PPFIA2: variants seen among roughly 807,000 people sequenced by gnomAD.
PPFIA2 encodes PPFI scaffold protein A2.
Under a neutral mutation model 175.5 loss-of-function variants are expected in PPFIA2, and 46 were observed. That is an observed-to-expected ratio of 0.26 (90% CI 0.21 to 0.34). The LOEUF is 0.34. Ranked by LOEUF, PPFIA2 falls within the 10% of genes least tolerant of loss-of-function variation. PPFIA2 has a pLI of 1.00. For missense variants in PPFIA2, 1,179 were observed against 1,506.1 expected, an observed-to-expected ratio of 0.78 and a Z score of 3.60; for synonymous variants, 568 against 511.4, an observed-to-expected ratio of 1.11 and a Z score of -1.49.
In PPFIA2 at chr12:81,691,496, G is replaced by A. The variant is rs1467397977; in HGVS notation, c.250-14652C>T. 4.6e-5 allele frequency among the ~76,000 whole-genome samples: 7 copies of A among 152,140 alleles called. No individual in the cohort carries two copies. The East Asian group carries it at 1.4e-3, about 29-fold the overall frequency. On this transcript the variant is annotated intron_variant, in intron 3 of 32. Coordinates refer to ENST00000549396, the MANE Select transcript of PPFIA2 (RefSeq NM_003625.5). Reference sequence around the variant, plus strand: ...CCTGAAATTCCTTTTATTATATACTGCTTTCTGTTCTGTGGCATTGAATGC... The same window carrying A: ...CCTGAAATTCCTTTTATTATATACTACTTTCTGTTCTGTGGCATTGAATGC...
At chr12:81,398,658 G>A (rs979264734) in intron 8 of PPFIA2, among the ~76,000 whole-genome samples, 2 of 152,020 alleles carry the variant, frequency 1.3e-5, no homozygotes, top group Admixed American at 1.3e-4. Flanking sequence ...TTAAAGACCC[G>A]TAGCCGCTTT....
intron 22 of PPFIA2, among the ~76,000 whole-genome samples, chr12:81,305,068 T>G (rs2048822373): frequency 6.6e-6 from 1 of 152,012 alleles, no homozygotes; most frequent in African/African-American, 2.4e-5. Context: ...ACAGCATACA[T>G]TCAATAAATC....
chr12:81,415,212 TATATATATATATATATA>T (rs1260472398), intron 7 of PPFIA2, among the ~76,000 whole-genome samples: 34 of 14,624 alleles, frequency 2.3e-3, no homozygotes, highest in Admixed American at 3.7e-3. Context: ...AAAAAAAAAA[TATATATATATATATATA>T]TATATATATA....
chr12:81,470,357 AT>A (rs1227761377), intron 4 of PPFIA2, among the ~76,000 whole-genome samples: 1 of 152,216 alleles, frequency 6.6e-6, no homozygotes, highest in Non-Finnish European at 1.5e-5. Flanking sequence ...CGTCAGAGAA[AT>A]GAAAGTCAAA....
At chr12:81,575,913 T>C (rs1258359688) in intron 4 of PPFIA2, among the ~76,000 whole-genome samples, 3 of 151,800 alleles carry the variant, frequency 2.0e-5, no homozygotes, top group Non-Finnish European at 4.4e-5. Context: ...GTTTCTGCCA[T>C]TTTAAGCATG....
At chr12:81,462,608 A>ATATATAT (rs1566933988) in intron 4 of PPFIA2, among the ~76,000 whole-genome samples, 1 of 134,886 alleles carries the variant, frequency 7.4e-6, no homozygotes, top group South Asian at 2.3e-4. Flanking sequence ...ATATATATAT[A>ATATATAT]ATATAGCGAT....
chr12:81,385,473 T>A (rs1228791447), intron 8 of PPFIA2, among the ~76,000 whole-genome samples: 1 of 152,158 alleles, frequency 6.6e-6, no homozygotes, highest in Non-Finnish European at 1.5e-5. Flanking sequence ...TATCAACGGA[T>A]GAATGGATAA....
chr12:81,353,420 A>G (rs1305704817), intron 16 of PPFIA2, 81 bp from the exon 17 acceptor site: 14 of 981,764 alleles, frequency 1.4e-5, no homozygotes, highest in Non-Finnish European at 2.2e-5. Context: ...AGCAACAACA[A>G]CAGGCATGCT....
intron 4 of PPFIA2, among the ~76,000 whole-genome samples, chr12:81,459,405 T>A (rs1038404948): frequency 6.6e-6 from 1 of 152,134 alleles, no homozygotes; most frequent in African/African-American, 2.4e-5. Context: ...AAAAATCTTA[T>A]ACTTATGTAT....
At chr12:81,468,536 C>G (rs41512349) in intron 4 of PPFIA2, among the ~76,000 whole-genome samples, 12,620 of 152,246 alleles carry the variant, frequency 0.083, 740 homozygotes, top group Middle Eastern at 0.16. Context: ...TTAGGTAACA[C>G]CTGCTGTGGC....
chr12:81,338,549 A>G (rs1028622142), intron 21 of PPFIA2, among the ~76,000 whole-genome samples: 1 of 151,940 alleles, frequency 6.6e-6, no homozygotes, highest in African/African-American at 2.4e-5. Flanking sequence ...CCCCACATCC[A>G]TTCCTCAACT....
chr12:81,642,326 G>A (rs1466703187), intron 4 of PPFIA2, among the ~76,000 whole-genome samples: 2 of 151,934 alleles, frequency 1.3e-5, no homozygotes, highest in South Asian at 2.1e-4. Context: ...AGTTATGTAA[G>A]ATTTTATGCA....
intron 6 of PPFIA2, among the ~76,000 whole-genome samples, chr12:81,442,485 T>A (rs2050356366): frequency 6.6e-6 from 1 of 151,962 alleles, no homozygotes; most frequent in Non-Finnish European, 1.5e-5. Flanking sequence ...ATTTAATTTG[T>A]TTTGGTTTAC....
intron 4 of PPFIA2, among the ~76,000 whole-genome samples, chr12:81,512,791 T>G (rs1404838300): frequency 6.6e-6 from 1 of 152,102 alleles, no homozygotes; most frequent in Non-Finnish European, 1.5e-5. Flanking sequence ...AACAAAATAT[T>G]GTATTTGGTT....
At chr12:81,568,825 A>T (rs2153409535) in intron 4 of PPFIA2, among the ~76,000 whole-genome samples, 1 of 152,282 alleles carries the variant, frequency 6.6e-6, no homozygotes, top group South Asian at 2.1e-4. Flanking sequence ...CTACAGCGTT[A>T]CTCAGTGTCA....
At chr12:81,436,243 T>C (rs1240444413) in intron 7 of PPFIA2, among the ~76,000 whole-genome samples, 1 of 117,782 alleles carries the variant, frequency 8.5e-6, no homozygotes, top group African/African-American at 3.3e-5. Context: ...ATCGTGCCAC[T>C]GCACTCCAGC....
intron 4 of PPFIA2, among the ~76,000 whole-genome samples, chr12:81,496,940 A>T (rs756990772): frequency 1.2e-4 from 18 of 152,200 alleles, no homozygotes; most frequent in Admixed American, 6.5e-4. Context: ...CAGAGCAAAT[A>T]AAGCAGACAC....
chr12:81,578,364 T>C (rs1052953545), intron 4 of PPFIA2, among the ~76,000 whole-genome samples: 23 of 151,696 alleles, frequency 1.5e-4, no homozygotes, highest in Admixed American at 1.3e-3. Context: ...GTATTATTAT[T>C]ATCATCATCA....
chr12:81,548,781 TA>T (rs533785120), intron 4 of PPFIA2, among the ~76,000 whole-genome samples: 4 of 150,382 alleles, frequency 2.7e-5, no homozygotes, highest in Non-Finnish European at 4.5e-5. Context: ...TGCCAGATGA[TA>T]AAAAAATCCA....
Sources: gnomAD v4.1 joint callset for allele counts (sites outside exome capture counted in the v4.1 genomes callset) on GRCh38, gnomAD v4.1.1 for gene constraint, MANE v1.5 for transcripts, NCBI Gene and HGNC (gene_info 2026-07-23, HGNC 2026-07-21) for gene names.